VPS13C: variants seen among roughly 807,000 people sequenced by gnomAD.
The protein encoded by VPS13C is vacuolar protein sorting 13 homolog C.
Under a neutral mutation model 456.8 loss-of-function variants are expected in VPS13C, and 358 were observed. The observed-to-expected ratio is 0.78, with a 90% CI of 0.72 to 0.86. VPS13C has a LOEUF of 0.86. Ranked by LOEUF, VPS13C falls within the 40% of genes least tolerant of loss-of-function variation. The pLI, the probability that VPS13C is intolerant of heterozygous loss-of-function variation, is 0.00. For synonymous variants in VPS13C, 1,578 were observed against 1,486.7 expected (o/e 1.06, Z -1.41); for missense variants, 4,818 against 4,385.4 (o/e 1.10, Z -2.79).
intron 66 of VPS13C, among the ~76,000 whole-genome samples, chr15:61,892,343 A>C (rs2042678339): frequency 6.6e-6 from 1 of 152,166 alleles, no homozygotes; most frequent in Admixed American, 6.5e-5. Flanking sequence ...CATAGCTGGG[A>C]TATCCCCTTT....
chr15:61,973,973 A>C (rs1306603412), intron 25 of VPS13C, among the ~76,000 whole-genome samples: 1 of 152,146 alleles, frequency 6.6e-6, no homozygotes, highest in East Asian at 1.9e-4. Flanking sequence ...GCTTTATCAA[A>C]TTTCATTTCA....
At chr15:61,961,341 G>A (rs375613720) in intron 35 of VPS13C, among the ~76,000 whole-genome samples, 5 of 150,370 alleles carry the variant, frequency 3.3e-5, no homozygotes, top group African/African-American at 7.4e-5. Context: ...GCAGTGAGCC[G>A]AGATCACGCC....
At chr15:62,013,865 T>C in intron 10 of VPS13C, 68 bp downstream of exon 10, 2 of 1,209,782 alleles carry the variant, frequency 1.7e-6, no homozygotes, top group Non-Finnish European at 2.4e-6. Flanking sequence ...GCTCCATCAA[T>C]GTTTCTTCAA....
rs139998583 is a variant in VPS13C at position 61,892,150 on chromosome 15, G to A, written c.9106-1750C>T. Among the ~76,000 whole-genome samples, 599 of 152,334 alleles carry A rather than the reference G, an allele frequency of 3.9e-3. 4 individuals carry two copies. Among genetic ancestry groups the A allele is most frequent in the African/African-American group, 0.014 (564 of 41,574 alleles). On this transcript the variant is annotated intron_variant, in intron 66 of 84. Transcript: ENST00000644861. Reference sequence around the variant, plus strand: ...AAGCATCACAAGTGCTTTAGGAAGAGAAAACCCCCAAGGGAGGCTACAGAC... The same window carrying A: ...AAGCATCACAAGTGCTTTAGGAAGAAAAAACCCCCAAGGGAGGCTACAGAC...
chr15:61,942,463 G>C (rs1184367502), intron 45 of VPS13C, among the ~76,000 whole-genome samples: 1 of 151,516 alleles, frequency 6.6e-6, no homozygotes, highest in Non-Finnish European at 1.5e-5. Flanking sequence ...TCCAAAATTG[G>C]GTTCAATTCT....
intron 56 of VPS13C, 49 bp from the exon 57 acceptor site, chr15:61,920,380 C>G: frequency 1.3e-6 from 2 of 1,519,846 alleles, no homozygotes; most frequent in Non-Finnish European, 1.8e-6. Context: ...AACATACATT[C>G]TTCCCAAAAC....
At chr15:62,052,955 G>C (rs1171188961) in intron 1 of VPS13C, among the ~76,000 whole-genome samples, 1 of 152,090 alleles carries the variant, frequency 6.6e-6, no homozygotes, top group East Asian at 1.9e-4. Context: ...CCATAATATT[G>C]AGTAATGTGG....
At chr15:62,005,661 G>A (rs1394662369) in intron 15 of VPS13C, among the ~76,000 whole-genome samples, 2 of 150,934 alleles carry the variant, frequency 1.3e-5, no homozygotes, top group African/African-American at 4.9e-5. Flanking sequence ...GGTACCGGTT[G>A]TTCCTTTCCA....
At chr15:61,939,763 G>T (rs2044353262) in intron 47 of VPS13C, among the ~76,000 whole-genome samples, 2 of 152,198 alleles carry the variant, frequency 1.3e-5, no homozygotes, top group African/African-American at 4.8e-5. Flanking sequence ...GGGAGGCCGA[G>T]GAGGGTGGAT....
intron 66 of VPS13C, chr15:61,906,657 T>C (rs2043160773): frequency 6.5e-6 from 1 of 153,060 alleles, no homozygotes; most frequent in African/African-American, 2.4e-5. Context: ...TCTTTCATCA[T>C]GGATTTTATT....
At chr15:61,970,573 A>G (rs1417852731) in intron 27 of VPS13C, among the ~76,000 whole-genome samples, 1 of 152,164 alleles carries the variant, frequency 6.6e-6, no homozygotes, top group Non-Finnish European at 1.5e-5. Context: ...AGGCAGGCGG[A>G]TCACTTGAGC....
At chr15:62,026,831 T>C (rs1596497268) in intron 6 of VPS13C, among the ~76,000 whole-genome samples, 1 of 152,228 alleles carries the variant, frequency 6.6e-6, no homozygotes, top group African/African-American at 2.4e-5. Context: ...AAGTAAAAAC[T>C]GGCAATTTTT....
At chr15:61,948,649 C>T (rs1406070586) in intron 42 of VPS13C, among the ~76,000 whole-genome samples, 1 of 151,644 alleles carries the variant, frequency 6.6e-6, no homozygotes, top group Non-Finnish European at 1.5e-5. Context: ...CATCACTGCA[C>T]TCCAGCCTGA....
intron 37 of VPS13C, among the ~76,000 whole-genome samples, chr15:61,957,750 G>A (rs1567045709): frequency 6.6e-6 from 1 of 152,060 alleles, no homozygotes; most frequent in Non-Finnish European, 1.5e-5. Flanking sequence ...GTATATGTAT[G>A]AGGATATTCA....
chr15:61,920,367 A>G (rs773721466), intron 56 of VPS13C, 36 bp from the exon 57 acceptor site: 1 of 1,531,298 alleles, frequency 6.5e-7, no homozygotes, highest in South Asian at 1.3e-5. Flanking sequence ...AAAATTTTTG[A>G]AAAACATACA....
rs567457175 is a variant in VPS13C at position 61,981,726 on chromosome 15, G to A, written c.2030-248C>T. Among the ~76,000 whole-genome samples the A allele has an allele frequency of 2.5e-3, 384 of 152,244 alleles. 1 individual carries two copies. Among genetic ancestry groups the A allele is most frequent in the East Asian group, 1.2e-3 (6 of 5,168 alleles). ...ATACAAAAAAAAATTAGCCAGGCGTGGTGGCGGGCGCCTGCAGCCCCAGCT... is the reference window on the plus strand; with the variant it reads ...ATACAAAAAAAAATTAGCCAGGCGTAGTGGCGGGCGCCTGCAGCCCCAGCT... On this transcript the variant is annotated intron_variant, in intron 21 of 84. Coordinates refer to ENST00000644861, the MANE Select transcript of VPS13C (RefSeq NM_020821.3).
In VPS13C at chr15:61,870,080, A is replaced by C. The variant is rs138175024; in HGVS notation, c.10625-457T>G. ...TATTGAAATGCAATTCATATACCATAAAATTTACCATTTAAAATGTACAAA... is the reference window on the plus strand; with the variant it reads ...TATTGAAATGCAATTCATATACCATCAAATTTACCATTTAAAATGTACAAA... On this transcript the variant is annotated intron_variant, in intron 79 of 84. Transcript: ENST00000644861. Among the ~76,000 whole-genome samples, 72 of 152,368 alleles carry C rather than the reference A, an allele frequency of 4.7e-4. 1 individual carries two copies. In the East Asian group the frequency reaches 0.011, roughly 24 times the overall value.
At chr15:62,014,199 T>C (rs771212929) in intron 9 of VPS13C, among the ~76,000 whole-genome samples, 1 of 152,132 alleles carries the variant, frequency 6.6e-6, no homozygotes, top group Non-Finnish European at 1.5e-5. Context: ...TAATTTGAGT[T>C]CATTCATTCA....
At chr15:61,899,954 A>C (rs1363095677) in intron 66 of VPS13C, among the ~76,000 whole-genome samples, 6 of 152,138 alleles carry the variant, frequency 3.9e-5, no homozygotes, top group Non-Finnish European at 5.9e-5. Context: ...AAGGCTGGTT[A>C]AATATACACA....
Sources: gnomAD v4.1 joint callset for allele counts (sites outside exome capture counted in the v4.1 genomes callset) on GRCh38, gnomAD v4.1.1 for gene constraint, MANE v1.5 for transcripts, NCBI Gene and HGNC (gene_info 2026-07-23, HGNC 2026-07-21) for gene names.